Variants in BTBD9 observed in about 807,000 individuals in gnomAD.
BTBD9 encodes BTB/POZ domain-containing protein 9.
Under a neutral mutation model 64.3 loss-of-function variants are expected in BTBD9, and 49 were observed. That is an observed-to-expected ratio of 0.76 (90% CI 0.61 to 0.97). The LOEUF is 0.97. Ranked by LOEUF, BTBD9 falls within the 50% of genes least tolerant of loss-of-function variation. BTBD9 has a pLI of 0.00. For missense variants in BTBD9, 598 were observed against 762.1 expected, an observed-to-expected ratio of 0.78 and a Z score of 2.53; for synonymous variants, 260 against 274.7, an observed-to-expected ratio of 0.95 and a Z score of 0.53.
At chr6:38,409,331 C>T (rs1031152528) in intron 6 of BTBD9, among the ~76,000 whole-genome samples, 1 of 152,152 alleles carries the variant, frequency 6.6e-6, no homozygotes, top group Non-Finnish European at 1.5e-5. Context: ...CAAGCTTAAT[C>T]AGCATACTTT....
intron 8 of BTBD9, among the ~76,000 whole-genome samples, chr6:38,279,877 T>C (rs1324374404): frequency 6.6e-6 from 1 of 152,242 alleles, no homozygotes; most frequent in Non-Finnish European, 1.5e-5. Flanking sequence ...GTTAAAATCT[T>C]GGAAAGCTAA....
intron 6 of BTBD9, among the ~76,000 whole-genome samples, chr6:38,508,879 C>T (rs1772658120): frequency 6.6e-6 from 1 of 152,024 alleles, no homozygotes; most frequent in South Asian, 2.1e-4. Context: ...TCAACCGTAA[C>T]CTTCTAAGAC....
chr6:38,611,133 T>C (rs1777605351), intron 1 of BTBD9, among the ~76,000 whole-genome samples: 1 of 152,090 alleles, frequency 6.6e-6, no homozygotes, highest in Non-Finnish European at 1.5e-5. Flanking sequence ...TTTAAATACA[T>C]ATACGTATAT....
chr6:38,531,514 C>T (rs1446791294), intron 6 of BTBD9, among the ~76,000 whole-genome samples: 2 of 151,968 alleles, frequency 1.3e-5, no homozygotes, highest in Non-Finnish European at 2.9e-5. Flanking sequence ...CAAAACTCAC[C>T]GATAGAGAAT....
At chr6:38,604,301 A>G (rs935782180) in intron 1 of BTBD9, among the ~76,000 whole-genome samples, 3 of 151,708 alleles carry the variant, frequency 2.0e-5, no homozygotes, top group Non-Finnish European at 4.4e-5. Context: ...GTTTATAAAT[A>G]TGCTCCGGTT....
At chr6:38,430,779 C>T (rs1310290732) in intron 6 of BTBD9, among the ~76,000 whole-genome samples, 16 of 151,974 alleles carry the variant, frequency 1.1e-4, no homozygotes, top group East Asian at 5.8e-4. Context: ...TCTTCCAAAG[C>T]GCTGGGATTA....
chr6:38,258,286 T>TA (rs1319884167), intron 8 of BTBD9, among the ~76,000 whole-genome samples: 1 of 151,984 alleles, frequency 6.6e-6, no homozygotes, highest in African/African-American at 2.4e-5. Flanking sequence ...GCGGCCGGCC[T>TA]AAAAAATAAT....
rs780080378 is a variant in BTBD9, at chr6:38,288,415, A to G, written c.1311T>C (p.Ile437=). 2 of 1,614,094 alleles carry G rather than the reference A, an allele frequency of 1.2e-6. No individual in the cohort carries two copies. Among genetic ancestry groups the G allele is most frequent in the South Asian group, 2.2e-5 (2 of 91,080 alleles). ...VATIADCASV[I]EGVSRSRNAL... is the part of the protein sequence containing the mutation. ...CATTTCGGCTCCGACTGACTCCTTC[A>G]ATCACACTGGCACAATCAGCAATTG... is the stretch of plus-strand genomic sequence containing the variant. Residue 437 remains isoleucine, a synonymous_variant, in exon 8 of 11, where the codon ATT becomes ATC. Coordinates refer to ENST00000481247, the MANE Select transcript of BTBD9 (RefSeq NM_001099272.2).
chr6:38,528,516 C>T (rs906347953), intron 6 of BTBD9, among the ~76,000 whole-genome samples: 2 of 152,166 alleles, frequency 1.3e-5, no homozygotes. Context: ...CTCAGAGAGA[C>T]TTCTTACCTC....
intron 9 of BTBD9, among the ~76,000 whole-genome samples, chr6:38,238,280 T>C (rs1763860090): frequency 1.3e-5 from 2 of 152,176 alleles, no homozygotes; most frequent in Admixed American, 1.3e-4. Context: ...CCTAGTTTTA[T>C]ACATTTTAGG....
chr6:38,264,907 A>G (rs1022852703), intron 8 of BTBD9, among the ~76,000 whole-genome samples: 7 of 152,160 alleles, frequency 4.6e-5, no homozygotes, highest in Non-Finnish European at 1.0e-4. Flanking sequence ...ACGACCTTTC[A>G]GGGCAAAGGG....
chr6:38,326,536 G>A (rs1236322242), intron 7 of BTBD9, among the ~76,000 whole-genome samples: 5 of 152,200 alleles, frequency 3.3e-5, no homozygotes, highest in African/African-American at 9.7e-5. Flanking sequence ...AGGAGAGGTG[G>A]TGGTGGCTTG....
chr6:38,175,432 G>A (rs1000341383), intron 10 of BTBD9, among the ~76,000 whole-genome samples: 1 of 152,188 alleles, frequency 6.6e-6, no homozygotes, highest in East Asian at 1.9e-4. Flanking sequence ...ACCATGACAC[G>A]GATTCCCACA....
At chr6:38,254,571 A>C (rs987985279) in intron 9 of BTBD9, among the ~76,000 whole-genome samples, 51 of 152,148 alleles carry the variant, frequency 3.4e-4, no homozygotes, top group Non-Finnish European at 4.4e-4. Context: ...CAGGAATTTG[A>C]GGTTACAGTA....
intron 8 of BTBD9, among the ~76,000 whole-genome samples, chr6:38,260,218 T>G (rs1471262425): frequency 6.6e-6 from 1 of 152,208 alleles, no homozygotes; most frequent in South Asian, 2.1e-4. Context: ...TGGATTGAAA[T>G]CATTCGTAAC....
At position 38,617,991 on chromosome 6, in the gene BTBD9, G is replaced by A. The variant is rs148031373; in HGVS notation, c.-27-19870C>T. On this transcript the variant is annotated intron_variant, in intron 1 of 10. Coordinates refer to ENST00000481247, the MANE Select transcript of BTBD9 (RefSeq NM_001099272.2). The stretch of plus-strand genomic sequence containing the variant: ...AGAGCCACTAAATCTGACCTTCCTC[G>A]GTCCTCTTTGTGGTCTAGGAGGAAA... 2.7e-3 allele frequency among the ~76,000 whole-genome samples: 414 copies of A among 152,270 alleles called. 2 individuals carry two copies. Among genetic ancestry groups the A allele is most frequent in the African/African-American group, 9.4e-3 (392 of 41,554 alleles).
At chr6:38,553,818 A>T (rs186421254) in intron 6 of BTBD9, among the ~76,000 whole-genome samples, 36 of 151,800 alleles carry the variant, frequency 2.4e-4, no homozygotes, top group African/African-American at 7.5e-4. Flanking sequence ...ATGCCACTGC[A>T]CTCCAGTCTG....
At chr6:38,268,719 C>T (rs1175283353) in intron 8 of BTBD9, among the ~76,000 whole-genome samples, 1 of 152,232 alleles carries the variant, frequency 6.6e-6, no homozygotes, top group Non-Finnish European at 1.5e-5. Context: ...ATCTTCTTTT[C>T]CCCACAGAGC....
At chr6:38,441,688 A>G (rs1562192540) in intron 6 of BTBD9, among the ~76,000 whole-genome samples, 2 of 152,144 alleles carry the variant, frequency 1.3e-5, no homozygotes, top group African/African-American at 4.8e-5. Flanking sequence ...AAGCACTAGT[A>G]TTAAAGGCAT....
Sources: allele counts gnomAD v4.1 joint callset (sites outside exome capture counted in the v4.1 genomes callset), GRCh38; gene constraint gnomAD v4.1.1; transcripts MANE v1.5; gene names NCBI Gene and HGNC (gene_info 2026-07-23, HGNC 2026-07-21).